KCND3: variants seen among roughly 807,000 people sequenced by gnomAD.
KCND3 encodes the protein potassium voltage-gated channel subfamily D member 3, also known as A-type voltage-gated potassium channel KCND3.
In KCND3, 9 loss-of-function variants were observed where a neutral mutation model predicts 51.1. The ratio of observed to expected loss-of-function variants is 0.18; its 90% CI spans 0.11 to 0.31. KCND3 has a LOEUF of 0.31. Among genes scored for constraint, KCND3 ranks in the 10% least tolerant of loss-of-function variants. KCND3 has a pLI of 1.00. For synonymous variants in KCND3, 349 were observed against 368.0 expected (o/e 0.95, Z 0.59); for missense variants, 526 against 903.8 (o/e 0.58, Z 5.36).
rs113322479 is a variant in KCND3 at position 111,800,231 on chromosome 1, T to C, written c.1107-13125A>G. ...CCTCTGCCTTGGGATCCTGTTGATC[T>C]GTGACCTTACCCCCAACCCTGTGCT... On this transcript the variant is annotated intron_variant, in intron 2 of 7. Transcript: ENST00000302127. Among the ~76,000 whole-genome samples the C allele has an allele frequency of 7.4e-3, 795 of 107,792 alleles. 10 individuals are homozygous for C. The highest frequency in any genetic ancestry group is 0.028 in the African/African-American group (764 of 27,720). The allele number at this position is 107,792 out of a possible 152,430, so 70.7% of individuals were successfully genotyped here.
At chr1:111,781,058 G>A (rs1664361804) in intron 3 of KCND3, among the ~76,000 whole-genome samples, 1 of 152,138 alleles carries the variant, frequency 6.6e-6, no homozygotes, top group Non-Finnish European at 1.5e-5. Context: ...TTCTCCCAAA[G>A]GTTTCATGAC....
At chr1:111,789,192 A>G (rs1279894893) in intron 2 of KCND3, among the ~76,000 whole-genome samples, 7 of 152,228 alleles carry the variant, frequency 4.6e-5, no homozygotes, top group Non-Finnish European at 1.5e-5. Flanking sequence ...TAAGGACAAC[A>G]GAAAGATTGC....
chr1:111,854,042 T>G (rs1003815315), intron 2 of KCND3: 1 of 152,178 alleles, frequency 6.6e-6, no homozygotes, highest in African/African-American at 2.4e-5. Flanking sequence ...TTTGAAGGTT[T>G]TTTGAGCCTG....
intron 2 of KCND3, among the ~76,000 whole-genome samples, chr1:111,965,256 C>G (rs1239816826): frequency 6.6e-6 from 1 of 151,982 alleles, no homozygotes; most frequent in Non-Finnish European, 1.5e-5. Context: ...AGATCCAGCT[C>G]TGGATCAGAA....
chr1:111,943,822 G>A (rs1300405286), intron 2 of KCND3, among the ~76,000 whole-genome samples: 1 of 152,218 alleles, frequency 6.6e-6, no homozygotes, highest in Non-Finnish European at 1.5e-5. Flanking sequence ...TACAGAGGAA[G>A]AAACTGATGC....
chr1:111,795,688 T>G (rs1032417208), intron 2 of KCND3, among the ~76,000 whole-genome samples: 2 of 152,156 alleles, frequency 1.3e-5, no homozygotes, highest in African/African-American at 4.8e-5. Context: ...TTATAATCCT[T>G]TGGGTATTTA....
At chr1:111,980,203 AGTGT>A (rs58988523) in intron 2 of KCND3, among the ~76,000 whole-genome samples, 277 of 143,024 alleles carry the variant, frequency 1.9e-3, no homozygotes, top group Middle Eastern at 7.1e-3. Flanking sequence ...CCATTTGAAG[AGTGT>A]GTGTGTGTGT....
intron 2 of KCND3, among the ~76,000 whole-genome samples, chr1:111,801,938 G>A (rs560640574): frequency 6.6e-6 from 1 of 152,340 alleles, no homozygotes; most frequent in South Asian, 2.1e-4. Flanking sequence ...CAGCCTACTG[G>A]TGAACTTGCC....
intron 2 of KCND3, among the ~76,000 whole-genome samples, chr1:111,963,791 T>C (rs979702314): frequency 1.3e-5 from 2 of 152,224 alleles, no homozygotes; most frequent in African/African-American, 4.8e-5. Context: ...GTGGACCTTA[T>C]GGCTACATGG....
chr1:111,828,312 C>T (rs1009530), intron 2 of KCND3, among the ~76,000 whole-genome samples: 81,047 of 152,038 alleles, frequency 0.53, 24,314 homozygotes, highest in Non-Finnish European at 0.67. Context: ...CCTTTACTTC[C>T]GTCTACCTGT....
Position 111,982,944 on chromosome 1 carries a change from G to A in KCND3, c.-72-146C>T, listed in dbSNP as rs1358322285. 1.5e-6 allele frequency: 1 copy of A among 657,440 alleles called. No homozygotes were observed. Among genetic ancestry groups the A allele is most frequent in the East Asian group, 2.8e-5 (1 of 36,128 alleles). The allele number at this position is 657,440 out of a possible 1,614,324, so 40.7% of individuals were successfully genotyped here. A position where few individuals can be genotyped will look rare whatever the true frequency, so the allele number is the denominator to read the frequency against. On this transcript the variant is annotated intron_variant, in intron 1 of 7. Coordinates refer to ENST00000302127, the MANE Select transcript of KCND3 (RefSeq NM_001378969.1). This position sits in a 1 kb window ranked among gnomAD's most constrained non-coding sequence, Gnocchi z 8.5. ...AAAACTGAAATCCCCACCACAGAGA[G>A]GGGACTTGATTCTTTGCCATCCAGA...
intron 2 of KCND3, among the ~76,000 whole-genome samples, chr1:111,959,470 TA>T (rs1161387888): frequency 6.6e-6 from 1 of 152,134 alleles, no homozygotes; most frequent in Non-Finnish European, 1.5e-5. Context: ...CACCACTTCC[TA>T]CCCTCATCAG....
chr1:111,826,303 C>A (rs12082957), intron 2 of KCND3, among the ~76,000 whole-genome samples: 1 of 152,108 alleles, frequency 6.6e-6, no homozygotes, highest in Non-Finnish European at 1.5e-5. Flanking sequence ...ACATTGATTT[C>A]TTTAGATGTC....
At chr1:111,875,436 C>T (rs896650409) in intron 2 of KCND3, among the ~76,000 whole-genome samples, 7 of 152,264 alleles carry the variant, frequency 4.6e-5, no homozygotes, top group African/African-American at 1.7e-4. Context: ...ATATTTTTCC[C>T]TTAAAATAAC....
At chr1:111,968,919 C>G (rs1033660595) in intron 2 of KCND3, among the ~76,000 whole-genome samples, 1 of 152,100 alleles carries the variant, frequency 6.6e-6, no homozygotes, top group Non-Finnish European at 1.5e-5. Context: ...CTCCCTGGAA[C>G]CAGAATCTCT....
intron 2 of KCND3, among the ~76,000 whole-genome samples, chr1:111,846,106 C>A (rs892766748): frequency 7.9e-5 from 12 of 152,146 alleles, no homozygotes; most frequent in Admixed American, 7.2e-4. Flanking sequence ...ATTGTGGTGA[C>A]CATATAATTT....
intron 7 of KCND3, among the ~76,000 whole-genome samples, chr1:111,776,704 G>A (rs1664131084): frequency 6.6e-6 from 1 of 152,064 alleles, no homozygotes; most frequent in African/African-American, 2.4e-5. Context: ...TGAGAAAATG[G>A]TTGGTCCATT....
At chr1:111,902,288 G>A (rs1670423813) in intron 2 of KCND3, among the ~76,000 whole-genome samples, 1 of 152,208 alleles carries the variant, frequency 6.6e-6, no homozygotes, top group Admixed American at 6.5e-5. Context: ...GGGTAACGGA[G>A]CAGGTGAGGA....
chr1:111,898,758 G>T (rs1209334541), intron 2 of KCND3, among the ~76,000 whole-genome samples: 1 of 152,164 alleles, frequency 6.6e-6, no homozygotes, highest in East Asian at 1.9e-4. Context: ...ACCACAGAGT[G>T]TGGGGTCCAG....
Sources: gnomAD v4.1 joint callset for allele counts (sites outside exome capture counted in the v4.1 genomes callset) on GRCh38, gnomAD v4.1.1 for gene constraint, Gnocchi (gnomAD v3.1) non-coding constraint, MANE v1.5 for transcripts, NCBI Gene and HGNC (gene_info 2026-07-23, HGNC 2026-07-21) for gene names.